The following FLT4 variants were observed in gnomAD, a reference collection of about 807,000 sequenced individuals.
The protein encoded by FLT4 is vascular endothelial growth factor receptor 3.
FLT4 carries 30 observed loss-of-function variants against 163.2 expected under a neutral mutation model. The ratio of observed to expected loss-of-function variants is 0.18; its 90% CI spans 0.14 to 0.25. The LOEUF is 0.25. Ranked by LOEUF, FLT4 falls within the 10% of genes least tolerant of loss-of-function variation. FLT4 has a pLI of 1.00. For synonymous variants in FLT4, 884 were observed against 789.5 expected (o/e 1.12, Z -2.01); for missense variants, 1,510 against 1,863.8 (o/e 0.81, Z 3.50).
At chr5:180,641,942 C>T (rs1425655022) in intron 1 of FLT4, among the ~76,000 whole-genome samples, 1 of 152,216 alleles carries the variant, frequency 6.6e-6, no homozygotes, top group Non-Finnish European at 1.5e-5. Context: ...GGCACAGTGG[C>T]TCACGCCTGT....
intron 12 of FLT4, among the ~76,000 whole-genome samples, chr5:180,622,173 G>C (rs1352463680): frequency 6.6e-6 from 1 of 152,072 alleles, no homozygotes; most frequent in Non-Finnish European, 1.5e-5. Flanking sequence ...GCTTTTCCCA[G>C]TGCCGTGCGC....
chr5:180,640,928 G>C (rs1170483019), intron 1 of FLT4, among the ~76,000 whole-genome samples: 1 of 152,196 alleles, frequency 6.6e-6, no homozygotes, highest in African/African-American at 2.4e-5. Context: ...TCTGGGAGCT[G>C]CTCTCCGAAT....
At position 180,625,944 on chromosome 5, in the gene FLT4, C is replaced by A; in HGVS notation, c.1346G>T (p.Gly449Val). The A allele has an allele frequency of 1.2e-6, 2 of 1,612,746 alleles. No individual in the cohort carries two copies. The highest frequency in any genetic ancestry group is 1.7e-6 in the Non-Finnish European group (2 of 1,179,946). Residue 449 changes from glycine (G) to valine (V), a missense_variant, in exon 10 of 30, where the codon GGG becomes GTG. Physicochemically the swap from Gly to Val is moderately radical, Grantham distance 109. Transcript: ENST00000261937. ...SRQALTCTAY[G>V]VPLPLSIQWH... ...CTGGATGCTGAGAGGCAGGGGCACC[C>A]CGTAGGCCGTGCAGGTGAGGGCCTG... is the stretch of plus-strand genomic sequence containing the variant.
At position 180,630,220 on chromosome 5, in the gene FLT4, C is replaced by T. The variant is rs761093334; in HGVS notation, c.513+5G>A. ...TCGGATGCTGGGGTTGGGGTGGGGC[C>T]GTACCGAGCGCAGCGTGACATTGAG... On this transcript the variant is annotated splice_donor_5th_base_variant and intron_variant, in intron 4 of 29. Coordinates refer to ENST00000261937, the MANE Select transcript of FLT4 (RefSeq NM_182925.5). This position sits in a 1 kb window ranked among gnomAD's most constrained non-coding sequence, Gnocchi z 6.3. 1.7e-4 allele frequency: 280 copies of T among 1,611,570 alleles called. No homozygotes were observed. Among genetic ancestry groups the T allele is most frequent in the Non-Finnish European group, 2.1e-4 (250 of 1,179,226 alleles).
Position 180,623,404 on chromosome 5 carries a change from G to A in FLT4, c.1548+531C>T, listed in dbSNP as rs1022067008. Among the ~76,000 whole-genome samples the A allele has an allele frequency of 1.3e-5, 2 of 152,096 alleles. No individual in the cohort carries two copies. The highest frequency in any genetic ancestry group is 6.5e-5 in the Admixed American group (1 of 15,278). On this transcript the variant is annotated intron_variant, in intron 11 of 29. Transcript: ENST00000261937. This position sits in a 1 kb window ranked among gnomAD's most constrained non-coding sequence, Gnocchi z 5.8. ...CCTGAGACACAGGGGAGGAGAGAGG[G>A]CCACAGGCCCTGCCTACCATCCAAA... is the stretch of plus-strand genomic sequence containing the variant.
At chr5:180,647,852 G>A (rs1046185065) in intron 1 of FLT4, among the ~76,000 whole-genome samples, 16 of 152,096 alleles carry the variant, frequency 1.1e-4, no homozygotes, top group African/African-American at 3.6e-4. Context: ...TTACTGCAGG[G>A]AATAGCTTCC....
At position 180,621,089 on chromosome 5, in the gene FLT4, A is replaced by G. The variant is rs1215346152; in HGVS notation, c.2167+17T>C. On this transcript the variant is annotated intron_variant, in intron 14 of 29. Transcript: ENST00000261937. ...CGGGCCTCCGGACCTGCCCTTCGCCAGGGCCACCCTCCCTACCAGACTTTT... is the reference window on the plus strand; with the variant it reads ...CGGGCCTCCGGACCTGCCCTTCGCCGGGGCCACCCTCCCTACCAGACTTTT... 12 of 1,612,734 alleles carry G rather than the reference A, an allele frequency of 7.4e-6. No homozygotes were observed. Among genetic ancestry groups the G allele is most frequent in the Non-Finnish European group, 8.5e-6 (10 of 1,179,944 alleles).
Position 180,623,646 on chromosome 5 carries a change from T to C in FLT4, c.1548+289A>G, listed in dbSNP as rs1053836496. Among the ~76,000 whole-genome samples the C allele has an allele frequency of 5.9e-5, 9 of 152,226 alleles. No individual in the cohort carries two copies. The highest frequency in any genetic ancestry group is 4.6e-4 in the Admixed American group (7 of 15,290). ...CTCCAGCCCTGTCCCCTCCTGGTCCTGGGGCCTGTGGGCCTCAGGGGCTCA... is the reference window on the plus strand; with the variant it reads ...CTCCAGCCCTGTCCCCTCCTGGTCCCGGGGCCTGTGGGCCTCAGGGGCTCA... On this transcript the variant is annotated intron_variant, in intron 11 of 29. Coordinates refer to ENST00000261937, the MANE Select transcript of FLT4 (RefSeq NM_182925.5). The surrounding 1 kb of genome is among the most constrained non-coding windows in gnomAD (Gnocchi z 5.8).
At chr5:180,642,580 C>A (rs1210676183) in intron 1 of FLT4, among the ~76,000 whole-genome samples, 1 of 152,178 alleles carries the variant, frequency 6.6e-6, no homozygotes, top group East Asian at 1.9e-4. Flanking sequence ...TGGTGGCACA[C>A]CGGGGGGCTT....
rs866371890 is a variant in FLT4, at chr5:180,616,269, C to T, written c.3219+98G>A. The T allele has an allele frequency of 5.2e-6, 8 of 1,549,274 alleles. No individual in the cohort carries two copies. The South Asian group carries it at 5.6e-5, about 11-fold the overall frequency. ...CTGGCCAACCAAGGAGCTCACCTCA[C>T]CCTGTGCCAGCCCTCCCTCTCCTGG... On this transcript the variant is annotated intron_variant, in intron 23 of 29. Coordinates refer to ENST00000261937, the MANE Select transcript of FLT4 (RefSeq NM_182925.5).
At position 180,609,015 on chromosome 5, in the gene FLT4, C is replaced by T. The variant is rs1370659071; in HGVS notation, c.3846G>A (p.Glu1282=). The T allele has an allele frequency of 6.2e-7, 1 of 1,614,230 alleles. No homozygotes were observed. The highest frequency in any genetic ancestry group is 8.5e-7 in the Non-Finnish European group (1 of 1,180,030). ...QTDSGMVLAS[E]EFEQIESRHR... ...GCCTGCTCTCTATCTGCTCAAACTC[C>T]TCCGAGGCCAGCACCATCCCACTGT... Residue 1282 remains glutamate (E), a synonymous_variant, in exon 29 of 30, where the codon GAG becomes GAA. Coordinates refer to ENST00000261937, the MANE Select transcript of FLT4 (RefSeq NM_182925.5).
chr5:180,630,644 T>C lies in FLT4; in HGVS notation c.311A>G (p.Asn104Ser), dbSNP rs1384082412. 5.6e-6 allele frequency: 9 copies of C among 1,613,206 alleles called. No homozygotes were observed. Among genetic ancestry groups the C allele is most frequent in the South Asian group, 1.1e-5 (1 of 91,078 alleles). ...KVLLLHEVHA[N>S]DTGSYVCYYK... is the part of the protein sequence containing the mutation. Reference sequence around the variant, plus strand: ...GTAGCAGACGTAGCTGCCTGTGTCGTTGGCATGTACCTCGTGCAGCAGCAA... The same window carrying C: ...GTAGCAGACGTAGCTGCCTGTGTCGCTGGCATGTACCTCGTGCAGCAGCAA... The change falls in exon 3 of 30, where the codon AAC becomes AGC. Residue 104 changes from asparagine (N) to serine (S), a missense_variant. Asn to Ser is a conservative substitution (Grantham distance 46). Transcript: ENST00000261937. The surrounding 1 kb of genome is among the most constrained non-coding windows in gnomAD (Gnocchi z 6.3).
intron 24 of FLT4, chr5:180,613,481 C>G (rs1762370763): frequency 3.7e-6 from 1 of 268,066 alleles, no homozygotes; most frequent in Non-Finnish European, 7.1e-6. Context: ...CCTGCTGCTC[C>G]CCCCAACCCC....
At position 180,602,012 on chromosome 5, in the gene FLT4, T is replaced by C; in HGVS notation, c.*1180A>G. On this transcript the variant is annotated 3_prime_UTR_variant, in exon 30 of 30. Coordinates refer to ENST00000261937, the MANE Select transcript of FLT4 (RefSeq NM_182925.5). ...GCACTGTGAGCTGGGATAGGGGTCC[T>C]GAGCAGAATGCCTCCAGCCTTCAGG... 1 of 233,458 alleles carries C rather than the reference T, an allele frequency of 4.3e-6. No individual in the cohort carries two copies. Among genetic ancestry groups the C allele is most frequent in the Non-Finnish European group, 8.5e-6 (1 of 118,162 alleles). 14.5% of individuals were successfully genotyped at this position (233,458 alleles called of 1,614,324 possible).
At position 180,646,876 on chromosome 5, in the gene FLT4, G is replaced by A. The variant is rs117250801; in HGVS notation, c.58+2612C>T. On this transcript the variant is annotated intron_variant, in intron 1 of 29. Transcript: ENST00000261937. ...CTGGGCCCAGCCATGTGGGCCCTAT[G>A]CTCTGGGAGGGCTCAGGACTCCTTC... Among the ~76,000 whole-genome samples, 74 of 152,340 alleles carry A rather than the reference G, an allele frequency of 4.9e-4. No homozygotes were observed. In the East Asian group the frequency reaches 0.012, roughly 25 times the overall value.
In FLT4 at chr5:180,620,318, G is replaced by A. The variant is rs369162003; in HGVS notation, c.2407-10C>T. On this transcript the variant is annotated splice_polypyrimidine_tract_variant and intron_variant, in intron 16 of 29. Transcript: ENST00000261937. This position sits in a 1 kb window ranked among gnomAD's most constrained non-coding sequence, Gnocchi z 4.4. ...TGTCTGCGTGGGCCGGCTGCGGGGA[G>A]GGGACAGGGAGGAGTGGGGCAGCTC... 39 of 1,610,250 alleles carry A rather than the reference G, an allele frequency of 2.4e-5. No homozygotes were observed. The highest frequency in any genetic ancestry group is 3.0e-5 in the Non-Finnish European group (35 of 1,179,972).
Position 180,609,901 on chromosome 5 carries a change from G to A in FLT4, c.3807+4C>T, listed in dbSNP as rs1311718345. 1.9e-6 allele frequency: 3 copies of A among 1,613,966 alleles called. No homozygotes were observed. Among genetic ancestry groups the A allele is most frequent in the East Asian group, 2.2e-5 (1 of 44,902 alleles). On this transcript the variant is annotated splice_donor_region_variant and intron_variant, in intron 28 of 29. Coordinates refer to ENST00000261937, the MANE Select transcript of FLT4 (RefSeq NM_182925.5). The stretch of plus-strand genomic sequence containing the variant: ...GCGCAGCCCCCACCCTTCATGTGAA[G>A]TACCACAGAGCCTTTGTAGGTCGTT...
At chr5:180,609,748 G>C in intron 28 of FLT4, 157 bp downstream of exon 28, 1 of 847,500 alleles carries the variant, frequency 1.2e-6, no homozygotes. Context: ...GGCATCGCAG[G>C]AGGGCCCAAA....
At chr5:180,625,552 T>G (rs1763537034) in intron 10 of FLT4, among the ~76,000 whole-genome samples, 1 of 152,230 alleles carries the variant, frequency 6.6e-6, no homozygotes, top group Non-Finnish European at 1.5e-5. Flanking sequence ...GACATGTGCT[T>G]CCTTCTCCCT....
Sources: gnomAD v4.1 joint callset for allele counts (sites outside exome capture counted in the v4.1 genomes callset) on GRCh38, gnomAD v4.1.1 for gene constraint, Gnocchi (gnomAD v3.1) non-coding constraint, MANE v1.5 for transcripts, NCBI Gene and HGNC (gene_info 2026-07-23, HGNC 2026-07-21) for gene names.